Variants in SIPA1L2 observed in about 807,000 individuals in gnomAD.
SIPA1L2 encodes the protein signal induced proliferation associated 1 like 2.
In SIPA1L2, 56 loss-of-function variants were observed where a neutral mutation model predicts 163.9. That is an observed-to-expected ratio of 0.34 (90% CI 0.28 to 0.43). The LOEUF is 0.43. SIPA1L2 is among the 20% of genes least tolerant of loss of function. SIPA1L2 has a pLI of 1.00. For missense variants in SIPA1L2, 1,974 were observed against 2,193.5 expected, an observed-to-expected ratio of 0.90 and a Z score of 2.00; for synonymous variants, 877 against 865.7, an observed-to-expected ratio of 1.01 and a Z score of -0.23.
At chr1:232,494,694 C>A (rs73095156) in intron 3 of SIPA1L2, among the ~76,000 whole-genome samples, 1,571 of 152,274 alleles carry the variant, frequency 0.01, 31 homozygotes, top group African/African-American at 0.036. Flanking sequence ...GAACTTAACA[C>A]AACATTCAAG....
chr1:232,483,993 T>C, intron 5 of SIPA1L2, 27 bp from the exon 6 acceptor site: 1 of 1,591,428 alleles, frequency 6.3e-7, no homozygotes, highest in Non-Finnish European at 8.5e-7. Flanking sequence ...ATATAATTAC[T>C]TGGCAAAGCA....
intron 2 of SIPA1L2, among the ~76,000 whole-genome samples, chr1:232,554,513 G>C (rs1658584823): frequency 6.6e-6 from 1 of 152,194 alleles, no homozygotes; most frequent in Non-Finnish European, 1.5e-5. Flanking sequence ...CCTAAAAATA[G>C]TTCCCTTTAG....
chr1:232,611,026 T>C (rs1489771032), intron 1 of SIPA1L2, among the ~76,000 whole-genome samples: 1 of 152,082 alleles, frequency 6.6e-6, no homozygotes, highest in Non-Finnish European at 1.5e-5. Flanking sequence ...AGGGACCCAG[T>C]GGGAGATAGT....
intron 18 of SIPA1L2, among the ~76,000 whole-genome samples, chr1:232,423,987 G>C (rs1572875635): frequency 6.6e-6 from 1 of 152,114 alleles, no homozygotes; most frequent in East Asian, 1.9e-4. Flanking sequence ...AGGGGAGGGA[G>C]GGATGAACAC....
chr1:232,466,066 C>G (rs1664496871), intron 8 of SIPA1L2, among the ~76,000 whole-genome samples: 1 of 152,102 alleles, frequency 6.6e-6, no homozygotes, highest in Non-Finnish European at 1.5e-5. Flanking sequence ...TGCTACCAAA[C>G]TAATACAGGG....
intron 1 of SIPA1L2, among the ~76,000 whole-genome samples, chr1:232,586,951 G>A (rs1660688809): frequency 6.6e-6 from 1 of 152,168 alleles, no homozygotes; most frequent in Non-Finnish European, 1.5e-5. Context: ...CTACACAGCT[G>A]GTGTCATGGG....
chr1:232,501,048 G>GTGTTTTTTT (rs1421294418), intron 3 of SIPA1L2, among the ~76,000 whole-genome samples: 1 of 58,452 alleles, frequency 1.7e-5, no homozygotes, highest in African/African-American at 5.7e-5. Context: ...TAGCAATGAA[G>GTGTTTTTTT]TATTTTTTTT....
At chr1:232,587,110 T>C (rs1660703390) in intron 1 of SIPA1L2, among the ~76,000 whole-genome samples, 2 of 152,258 alleles carry the variant, frequency 1.3e-5, no homozygotes, top group Non-Finnish European at 2.9e-5. Context: ...CTAATCTTTA[T>C]TATGAACACA....
At chr1:232,560,020 T>C (rs758317385) in intron 2 of SIPA1L2, among the ~76,000 whole-genome samples, 16 of 152,252 alleles carry the variant, frequency 1.1e-4, no homozygotes, top group Non-Finnish European at 1.9e-4. Context: ...TTCTTGATTT[T>C]TGATCCCTGC....
At chr1:232,591,921 T>C (rs921855945) in intron 1 of SIPA1L2, among the ~76,000 whole-genome samples, 5 of 152,164 alleles carry the variant, frequency 3.3e-5, no homozygotes, top group Non-Finnish European at 5.9e-5. Context: ...AAGAACACAG[T>C]TGAAATGGCA....
At position 232,450,937 on chromosome 1, in the gene SIPA1L2, T is replaced by C. The variant is rs536930596; in HGVS notation, c.3096-5151A>G. ...GGTGGAATTATTTTATCTCCAACCT[T>C]GTGCAGAAAGTCATATAGGAAAGGT... On this transcript the variant is annotated intron_variant, in intron 10 of 22. Coordinates refer to ENST00000674635, the MANE Select transcript of SIPA1L2 (RefSeq NM_020808.5). Among the ~76,000 whole-genome samples the C allele has an allele frequency of 2.6e-5, 4 of 152,354 alleles. No homozygotes were observed. The South Asian group carries it at 8.3e-4, about 32-fold the overall frequency.
intron 6 of SIPA1L2, among the ~76,000 whole-genome samples, chr1:232,483,434 T>C (rs1429357117): frequency 6.6e-6 from 1 of 152,130 alleles, no homozygotes; most frequent in African/African-American, 2.4e-5. Flanking sequence ...ATTTTGTCTC[T>C]TAGAAATAAA....
At chr1:232,505,560 C>T (rs1235867085) in intron 3 of SIPA1L2, among the ~76,000 whole-genome samples, 1 of 152,188 alleles carries the variant, frequency 6.6e-6, no homozygotes, top group Non-Finnish European at 1.5e-5. Flanking sequence ...AGCATACAGA[C>T]AGCCCTTTGT....
intron 19 of SIPA1L2, among the ~76,000 whole-genome samples, chr1:232,406,129 GAC>G (rs1483172672): frequency 6.6e-6 from 1 of 152,214 alleles, no homozygotes; most frequent in Non-Finnish European, 1.5e-5. Flanking sequence ...TAATCTTAGA[GAC>G]AGTTTCCAGT....
In SIPA1L2 at chr1:232,501,718, T is replaced by C. The variant is rs1666490190; in HGVS notation, c.1484-8058A>G. Among the ~76,000 whole-genome samples the C allele has an allele frequency of 2.6e-5, 4 of 152,200 alleles. No homozygotes were observed. In the South Asian group the frequency reaches 8.3e-4, roughly 32 times the overall value. ...GGAGGAGAGAGAATCTGGCCTTTTATAAAGCATGTAACCAGCCCTGTTTTC... is the reference window on the plus strand; with the variant it reads ...GGAGGAGAGAGAATCTGGCCTTTTACAAAGCATGTAACCAGCCCTGTTTTC... On this transcript the variant is annotated intron_variant, in intron 3 of 22. Coordinates refer to ENST00000674635, the MANE Select transcript of SIPA1L2 (RefSeq NM_020808.5).
At chr1:232,567,185 A>G (rs986546346) in intron 2 of SIPA1L2, among the ~76,000 whole-genome samples, 1 of 152,226 alleles carries the variant, frequency 6.6e-6, no homozygotes, top group African/African-American at 2.4e-5. Context: ...TTTTAAATGG[A>G]GATACCTACT....
intron 19 of SIPA1L2, among the ~76,000 whole-genome samples, chr1:232,414,057 T>C (rs1162917144): frequency 3.3e-5 from 5 of 152,138 alleles, no homozygotes; most frequent in African/African-American, 1.2e-4. Context: ...GCTTCTAAAA[T>C]ATGCAACTAA....
intron 15 of SIPA1L2, among the ~76,000 whole-genome samples, chr1:232,437,670 C>G (rs1351903359): frequency 6.6e-6 from 1 of 152,086 alleles, no homozygotes; most frequent in African/African-American, 2.4e-5. Flanking sequence ...GCTGAGGGCC[C>G]CAAGTGCCGT....
chr1:232,484,757 C>T (rs929695813), intron 5 of SIPA1L2, among the ~76,000 whole-genome samples: 1 of 152,138 alleles, frequency 6.6e-6, no homozygotes, highest in Admixed American at 6.5e-5. Context: ...TTTCTTATGT[C>T]CCCCAAAGAG....
Sources: gnomAD v4.1 joint callset for allele counts (sites outside exome capture counted in the v4.1 genomes callset) on GRCh38, gnomAD v4.1.1 for gene constraint, MANE v1.5 for transcripts, NCBI Gene and HGNC (gene_info 2026-07-23, HGNC 2026-07-21) for gene names.